The following FAF1 variants were observed in gnomAD, a reference collection of about 807,000 sequenced individuals.
FAF1 encodes the protein FAS-associated factor 1.
FAF1 carries 25 observed loss-of-function variants against 92.5 expected under a neutral mutation model. The ratio of observed to expected loss-of-function variants is 0.27; its 90% CI spans 0.20 to 0.38. FAF1 has a LOEUF of 0.38. FAF1 is among the 10% of genes least tolerant of loss of function. The pLI is 1.00. For synonymous variants in FAF1, 234 were observed against 273.2 expected (o/e 0.86, Z 1.42); for missense variants, 636 against 793.3 (o/e 0.80, Z 2.38).
intron 13 of FAF1, among the ~76,000 whole-genome samples, chr1:50,554,384 T>G (rs199761587): frequency 0.044 from 4,249 of 97,676 alleles, 94 homozygotes; most frequent in East Asian, 0.093. Context: ...TATATATATA[T>G]ATATATAGAG....
intron 18 of FAF1, chr1:50,469,638 A>G (rs1361264742): frequency 6.6e-6 from 1 of 152,232 alleles, no homozygotes; most frequent in Non-Finnish European, 1.5e-5. Flanking sequence ...GTTTAAAAAA[A>G]TCACTCAAGA....
chr1:50,869,600 C>T (rs544132285), intron 1 of FAF1, among the ~76,000 whole-genome samples: 2 of 152,252 alleles, frequency 1.3e-5, no homozygotes, highest in South Asian at 2.1e-4. Flanking sequence ...GGAGGTGCAT[C>T]TCATTCTAGC....
intron 8 of FAF1, among the ~76,000 whole-genome samples, chr1:50,641,886 T>C (rs1654346148): frequency 6.6e-6 from 1 of 152,066 alleles, no homozygotes; most frequent in Non-Finnish European, 1.5e-5. Context: ...TATTACAGAA[T>C]CTCTTTTTTT....
intron 1 of FAF1, among the ~76,000 whole-genome samples, chr1:50,957,828 TAAA>T (rs1174066762): frequency 6.6e-6 from 1 of 152,156 alleles, no homozygotes; most frequent in Non-Finnish European, 1.5e-5. Context: ...AAGGTAAAAT[TAAA>T]ACAAAGTTAT....
At chr1:50,887,448 G>A (rs1437364128) in intron 1 of FAF1, among the ~76,000 whole-genome samples, 1 of 152,166 alleles carries the variant, frequency 6.6e-6, no homozygotes, top group Non-Finnish European at 1.5e-5. Flanking sequence ...TGAAGTCCTT[G>A]CCCATGCCTA....
rs1033801123 is a variant in FAF1 at position 50,479,861 on chromosome 1, A to G, written c.1654-4182T>C. Among the ~76,000 whole-genome samples, 26 of 152,210 alleles carry G rather than the reference A, an allele frequency of 1.7e-4. No homozygotes were observed. The East Asian group carries it at 2.1e-3, about 12-fold the overall frequency. On this transcript the variant is annotated intron_variant, in intron 17 of 18. Transcript: ENST00000396153. ...ACAATGAAGAGATACGAGGTAAATC[A>G]GCAACCTTGAGATTTGAATATCCAA...
chr1:50,610,953 G>C (rs2124135712), intron 8 of FAF1, among the ~76,000 whole-genome samples: 1 of 152,288 alleles, frequency 6.6e-6, no homozygotes, highest in Non-Finnish European at 1.5e-5. Flanking sequence ...AACATTCAGA[G>C]AGCTACAAAA....
At chr1:50,563,057 A>G (rs1650005867) in intron 13 of FAF1, among the ~76,000 whole-genome samples, 1 of 152,180 alleles carries the variant, frequency 6.6e-6, no homozygotes, top group African/African-American at 2.4e-5. Context: ...AGATGGGAGG[A>G]TGTGCATGGG....
At chr1:50,700,516 T>C (rs1457010745) in intron 7 of FAF1, among the ~76,000 whole-genome samples, 1 of 152,144 alleles carries the variant, frequency 6.6e-6, no homozygotes, top group African/African-American at 2.4e-5. Context: ...ACCTGTCAAG[T>C]GCATATTGTA....
chr1:50,600,436 T>C (rs1039200704), intron 8 of FAF1, among the ~76,000 whole-genome samples: 23 of 152,150 alleles, frequency 1.5e-4, no homozygotes, highest in African/African-American at 5.3e-4. Flanking sequence ...AAAGTATTAA[T>C]ACAAAATGTA....
intron 2 of FAF1, among the ~76,000 whole-genome samples, chr1:50,851,900 C>T (rs1212543742): frequency 6.6e-6 from 1 of 151,706 alleles, no homozygotes; most frequent in Non-Finnish European, 1.5e-5. Context: ...CTGAGATTTT[C>T]CTCGGAAAGG....
intron 1 of FAF1, among the ~76,000 whole-genome samples, chr1:50,925,538 T>C (rs1455564859): frequency 1.3e-5 from 2 of 150,490 alleles, no homozygotes; most frequent in Admixed American, 6.6e-5. Flanking sequence ...GACATAGAAA[T>C]GGCCAACAAA....
chr1:50,860,601 A>C (rs1644424484), intron 1 of FAF1, among the ~76,000 whole-genome samples: 1 of 151,898 alleles, frequency 6.6e-6, no homozygotes. Context: ...TTTTTAAAAA[A>C]CAGATGCTAG....
intron 7 of FAF1, among the ~76,000 whole-genome samples, chr1:50,676,407 T>TA (rs553641377): frequency 0.018 from 2,442 of 134,132 alleles, 57 homozygotes; most frequent in African/African-American, 0.06. Flanking sequence ...AACTCTGTCT[T>TA]AAAAAAAAAA....
intron 1 of FAF1, among the ~76,000 whole-genome samples, chr1:50,861,285 C>T (rs905648880): frequency 6.6e-6 from 1 of 151,806 alleles, no homozygotes; most frequent in Non-Finnish European, 1.5e-5. Flanking sequence ...ATATCTGTAT[C>T]CTCCTATGGT....
At position 50,731,989 on chromosome 1, in the gene FAF1, T is replaced by C. The variant is rs1372575402; in HGVS notation, c.551+6874A>G. On this transcript the variant is annotated intron_variant, in intron 6 of 18. Transcript: ENST00000396153. ...GTGTTCTACTACATGGTCAGTTTTCTAAGTATTCCATGAGTGCTTTACGGG... is the reference window on the plus strand; with the variant it reads ...GTGTTCTACTACATGGTCAGTTTTCCAAGTATTCCATGAGTGCTTTACGGG... Among the ~76,000 whole-genome samples, 4 of 152,292 alleles carry C rather than the reference T, an allele frequency of 2.6e-5. No individual in the cohort carries two copies. In the East Asian group the frequency reaches 7.7e-4, roughly 29 times the overall value.
chr1:50,503,881 TGACA>T (rs1399025231), intron 15 of FAF1, among the ~76,000 whole-genome samples: 6 of 152,234 alleles, frequency 3.9e-5, no homozygotes, highest in African/African-American at 9.6e-5. Context: ...GGACTTGGCT[TGACA>T]GACAGAGACA....
intron 2 of FAF1, among the ~76,000 whole-genome samples, chr1:50,809,253 C>T (rs931097757): frequency 6.6e-6 from 1 of 151,572 alleles, no homozygotes; most frequent in African/African-American, 2.4e-5. Context: ...AGCAGAATAA[C>T]CAAAATCAAA....
At chr1:50,837,826 C>T (rs1362155528) in intron 2 of FAF1, among the ~76,000 whole-genome samples, 1 of 151,948 alleles carries the variant, frequency 6.6e-6, no homozygotes, top group African/African-American at 2.4e-5. Flanking sequence ...TCACTGCAAC[C>T]TCTGCCTCCT....
Sources: gnomAD v4.1 joint callset for allele counts (sites outside exome capture counted in the v4.1 genomes callset) on GRCh38, gnomAD v4.1.1 for gene constraint, MANE v1.5 for transcripts, NCBI Gene and HGNC (gene_info 2026-07-23, HGNC 2026-07-21) for gene names.